Variants in HADHA observed in about 807,000 individuals in gnomAD.
HADHA encodes the protein hydroxyacyl-CoA dehydrogenase trifunctional multienzyme complex subunit alpha, also known as trifunctional enzyme subunit alpha, mitochondrial.
In HADHA, 59 loss-of-function variants were observed where a neutral mutation model predicts 91.3. That is an observed-to-expected ratio of 0.65 (90% CI 0.52 to 0.80). The LOEUF (loss-of-function observed/expected upper bound fraction) is 0.80, where lower values mean the gene tolerates loss of function less well. Among genes scored for constraint, HADHA ranks in the 30% least tolerant of loss-of-function variants. HADHA has a pLI of 0.00. For synonymous variants in HADHA, 320 were observed against 338.9 expected (o/e 0.94, Z 0.61); for missense variants, 800 against 927.6 (o/e 0.86, Z 1.79).
At chr2:26,216,307 C>T (rs973643482) in intron 7 of HADHA, among the ~76,000 whole-genome samples, 5 of 144,516 alleles carry the variant, frequency 3.5e-5, no homozygotes, top group African/African-American at 1.3e-4. Flanking sequence ...TCCCTTAAGA[C>T]ATTTGACCTA....
Position 26,239,017 on chromosome 2 carries a change from G to C in HADHA, c.110-13C>G. The stretch of plus-strand genomic sequence containing the variant: ...ATATGGGTTCTGGCTAAAAAGAAAA[G>C]AAAGATTTATTTGTAAACATATTTA... On this transcript the variant is annotated splice_polypyrimidine_tract_variant and intron_variant, in intron 2 of 19. Transcript: ENST00000380649. 6.3e-7 allele frequency: 1 copy of C among 1,597,046 alleles called. No individual in the cohort carries two copies. The highest frequency in any genetic ancestry group is 8.6e-7 in the Non-Finnish European group (1 of 1,164,652).
At chr2:26,234,092 A>C in intron 5 of HADHA, 125 bp downstream of exon 5, 2 of 961,418 alleles carry the variant, frequency 2.1e-6, no homozygotes, top group Non-Finnish European at 3.2e-6. Context: ...AAAGCAAAAA[A>C]CAAAAAACAA....
At chr2:26,217,291 A>G (rs144320003) in intron 7 of HADHA, among the ~76,000 whole-genome samples, 5 of 152,328 alleles carry the variant, frequency 3.3e-5, no homozygotes, top group Middle Eastern at 3.4e-3. Context: ...AGAATGAAAG[A>G]AGACCTAAAA....
At chr2:26,212,784 C>T (rs1197974390) in intron 9 of HADHA, among the ~76,000 whole-genome samples, 158 bp from the exon 10 acceptor site, 1 of 152,198 alleles carries the variant, frequency 6.6e-6, no homozygotes, top group African/African-American at 2.4e-5. Context: ...TGGCTGCTCT[C>T]GACTGACTTA....
rs1260443827 is a variant in HADHA, at chr2:26,239,130, G to A, written c.81C>T (p.Arg27=). Residue 27 remains arginine, a synonymous_variant, in exon 2 of 20, where the codon CGC becomes CGT. Coordinates refer to ENST00000380649, the MANE Select transcript of HADHA (RefSeq NM_000182.5). ...RILRSRGYIC[R]NFTGSSALLT... ...GCAAAGCAGAAGACCCTGTAAAATT[G>A]CGGCATATATAACCTGTAAGAAAAG... 2 of 1,605,648 alleles carry A rather than the reference G, an allele frequency of 1.2e-6. No individual in the cohort carries two copies. The highest frequency in any genetic ancestry group is 2.2e-5 in the East Asian group (1 of 44,784).
chr2:26,220,811 A>C (rs1192591527), intron 7 of HADHA, among the ~76,000 whole-genome samples: 2 of 152,226 alleles, frequency 1.3e-5, no homozygotes, highest in Middle Eastern at 3.2e-3. Context: ...AGAGAGCCTG[A>C]TTACCTTGTC....
At chr2:26,212,298 G>C in intron 10 of HADHA, 1 of 439,620 alleles carries the variant, frequency 2.3e-6, no homozygotes, top group South Asian at 2.1e-5. Flanking sequence ...TGTTGCACAT[G>C]CTGGTCTTGA....
intron 12 of HADHA, among the ~76,000 whole-genome samples, chr2:26,201,869 A>C (rs1454208322): frequency 6.6e-6 from 1 of 151,378 alleles, no homozygotes; most frequent in African/African-American, 2.4e-5. Flanking sequence ...ATCTCAGCTC[A>C]CTGCAACCTC....
chr2:26,226,061 T>G (rs1670477750), intron 7 of HADHA, among the ~76,000 whole-genome samples: 1 of 152,110 alleles, frequency 6.6e-6, no homozygotes, highest in African/African-American at 2.4e-5. Flanking sequence ...AGTGAGAAAT[T>G]AAAGTTAAAA....
chr2:26,242,355 TA>T (rs1210574408), intron 1 of HADHA, among the ~76,000 whole-genome samples: 2 of 152,236 alleles, frequency 1.3e-5, no homozygotes, highest in African/African-American at 4.8e-5. Flanking sequence ...TCAAAATTTA[TA>T]AATTGCTATT....
rs1367699569 is a variant in HADHA at position 26,214,041 on chromosome 2, T to G, written c.918+402A>C. Reference sequence around the variant, plus strand: ...TACATCTTTTTTATAATTACAGCAATGAAGAAGTCCTTGAGGGATTTTAGG... The same window carrying G: ...TACATCTTTTTTATAATTACAGCAAGGAAGAAGTCCTTGAGGGATTTTAGG... On this transcript the variant is annotated intron_variant, in intron 9 of 19. Coordinates refer to ENST00000380649, the MANE Select transcript of HADHA (RefSeq NM_000182.5). This position sits in a 1 kb window ranked among gnomAD's most constrained non-coding sequence, Gnocchi z 4.1. 6.6e-6 allele frequency among the ~76,000 whole-genome samples: 1 copy of G among 152,236 alleles called. No individual in the cohort carries two copies. The highest frequency in any genetic ancestry group is 1.5e-5 in the Non-Finnish European group (1 of 68,042).
In HADHA at chr2:26,234,409, T is replaced by G. The variant is rs1027913463; in HGVS notation, c.315-54A>C. ...AGAAAAAGATAAAACTATAATTTATTTGGTTCAATACTTATTCACTATACA... is the reference window on the plus strand; with the variant it reads ...AGAAAAAGATAAAACTATAATTTATGTGGTTCAATACTTATTCACTATACA... On this transcript the variant is annotated intron_variant, in intron 4 of 19. Transcript: ENST00000380649. 12 of 1,461,758 alleles carry G rather than the reference T, an allele frequency of 8.2e-6. No individual in the cohort carries two copies. In the Admixed American group the frequency reaches 1.8e-4, roughly 22 times the overall value. 90.5% of individuals were successfully genotyped at this position (1,461,758 alleles called of 1,614,324 possible).
chr2:26,196,869 G>A (rs1218271954), intron 14 of HADHA, among the ~76,000 whole-genome samples: 9 of 152,156 alleles, frequency 5.9e-5, no homozygotes, highest in Non-Finnish European at 1.2e-4. Flanking sequence ...ACTATCGGCT[G>A]CAACTTCTCC....
At chr2:26,192,880 G>A (rs578262322) in intron 17 of HADHA, among the ~76,000 whole-genome samples, 2 of 152,338 alleles carry the variant, frequency 1.3e-5, no homozygotes, top group East Asian at 3.9e-4. Flanking sequence ...AGAAGAGTGG[G>A]CAGAGAAGGA....
chr2:26,201,294 G>C lies in HADHA; in HGVS notation c.1247C>G (p.Ala416Gly), dbSNP rs1257004070. Residue 416 changes from alanine to glycine, a missense_variant, in exon 13 of 20, where the codon GCT becomes GGT. By Grantham distance (60) the Ala-to-Gly change is moderately conservative (BLOSUM62 0). Transcript: ENST00000380649. The stretch of plus-strand genomic sequence containing the variant: ...GGAATCCCTTTCAAATGATGTTAGA[G>C]CTTTCTTCTTCACTTTGTCATTCAA... ...KGLNDKVKKKALTSFERDSIF... is the reference protein window; with the variant it reads ...KGLNDKVKKKGLTSFERDSIF... 1 of 1,610,830 alleles carries C rather than the reference G, an allele frequency of 6.2e-7. No homozygotes were observed. Among genetic ancestry groups the C allele is most frequent in the Non-Finnish European group, 8.5e-7 (1 of 1,176,996 alleles).
intron 17 of HADHA, among the ~76,000 whole-genome samples, chr2:26,192,849 C>A (rs1434876792): frequency 1.3e-5 from 2 of 152,096 alleles, no homozygotes; most frequent in East Asian, 3.9e-4. Flanking sequence ...TCTAGCTAAC[C>A]CTAGCAAATT....
chr2:26,191,111 G>C lies in HADHA; in HGVS notation c.*139C>G. On this transcript the variant is annotated 3_prime_UTR_variant, in exon 20 of 20. Transcript: ENST00000380649. ...GAGGGAGAGATGGTCTTGGCTGAAG[G>C]CACTTTAATCAGGGAGCAAACCCAG... 1 of 807,518 alleles carries C rather than the reference G, an allele frequency of 1.2e-6. No individual in the cohort carries two copies. The highest frequency in any genetic ancestry group is 2.6e-5 in the East Asian group (1 of 38,010). 50.0% of individuals were successfully genotyped at this position (807,518 alleles called of 1,614,324 possible). A position where few individuals can be genotyped will look rare whatever the true frequency, so the allele number is the denominator to read the frequency against.
chr2:26,235,829 A>G (rs1670734549), intron 4 of HADHA, among the ~76,000 whole-genome samples: 1 of 152,214 alleles, frequency 6.6e-6, no homozygotes, highest in Non-Finnish European at 1.5e-5. Flanking sequence ...TCCCCTCCTT[A>G]TGTATGTGTA....
intron 7 of HADHA, among the ~76,000 whole-genome samples, chr2:26,227,838 T>G (rs1188505434): frequency 2.0e-5 from 3 of 151,348 alleles, no homozygotes; most frequent in Non-Finnish European, 4.4e-5. Flanking sequence ...TTCCCAGAGA[T>G]AAGGTCTCCC....
Sources: allele counts gnomAD v4.1 joint callset (sites outside exome capture counted in the v4.1 genomes callset), GRCh38; gene constraint gnomAD v4.1.1; non-coding constraint Gnocchi (gnomAD v3.1); transcripts MANE v1.5; gene names NCBI Gene and HGNC (gene_info 2026-07-23, HGNC 2026-07-21).